The following LCOR variants were observed in gnomAD, a reference collection of about 807,000 sequenced individuals.
LCOR encodes the protein ligand-dependent corepressor.
Under a neutral mutation model 64.4 loss-of-function variants are expected in LCOR, and 14 were observed. The observed-to-expected ratio is 0.22, with a 90% CI of 0.14 to 0.34. LCOR has a LOEUF of 0.34. LCOR is among the 10% of genes least tolerant of loss of function. The probability of loss-of-function intolerance (pLI) is 1.00; values close to 1 mark genes in which losing one functional copy is unlikely to be tolerated. For synonymous variants in LCOR, 643 were observed against 642.5 expected, an observed-to-expected ratio of 1.00 and a Z score of -0.01; for missense variants, 1,686 against 1,765.3, an observed-to-expected ratio of 0.96 and a Z score of 0.80.
At chr10:96,955,491 A>G (rs1482525418) in intron 7 of LCOR, 1 of 1,614,138 alleles carries the variant, frequency 6.2e-7, no homozygotes, top group Non-Finnish European at 8.5e-7. Flanking sequence ...GCTTAGTAAA[A>G]AATTAAGGGC....
chr10:96,955,444 A>G (rs922119354), intron 7 of LCOR: 27 of 1,614,088 alleles, frequency 1.7e-5, no homozygotes, highest in Non-Finnish European at 2.3e-5. Context: ...CAGTACAGCT[A>G]TAGCTCTTTG....
At chr10:96,850,073 A>G (rs937911085) in intron 2 of LCOR, among the ~76,000 whole-genome samples, 15 of 152,204 alleles carry the variant, frequency 9.9e-5, no homozygotes, top group African/African-American at 3.6e-4. Context: ...CACTGTATAT[A>G]TGACCTGAAA....
At chr10:96,896,905 C>G (rs375912894) in intron 2 of LCOR, among the ~76,000 whole-genome samples, 3 of 151,928 alleles carry the variant, frequency 2.0e-5, no homozygotes, top group African/African-American at 7.3e-5. Flanking sequence ...AAAAGGAAGC[C>G]CCACCTTTCC....
intron 2 of LCOR, among the ~76,000 whole-genome samples, chr10:96,864,108 A>G (rs903425464): frequency 1.3e-5 from 2 of 152,208 alleles, no homozygotes; most frequent in African/African-American, 2.4e-5. Flanking sequence ...TTAAGGTCCA[A>G]TATCTTAGAA....
At position 96,995,215 on chromosome 10, in the gene LCOR, GGTCGATCTCGTA is replaced by G. The variant is rs1472306423; in HGVS notation, c.*10084_*10095del. Reference sequence around the variant, plus strand: ...TTCCTCCCAGTGTTGTCATTGCTGAGGTCGATCTCGTAGTTGTTCAGTTGTGCTCTTTTTGCT... The same window carrying G: ...TTCCTCCCAGTGTTGTCATTGCTGAGGTTGTTCAGTTGTGCTCTTTTTGCT... On this transcript the variant is annotated 3_prime_UTR_variant, in exon 8 of 8. Coordinates refer to ENST00000421806, the MANE Select transcript of LCOR (RefSeq NM_001346516.2). The surrounding 1 kb of genome is among the most constrained non-coding windows in gnomAD (Gnocchi z 4.2). 9 of 152,266 alleles carry G rather than the reference GGTCGATCTCGTA, an allele frequency of 5.9e-5. No homozygotes were observed. Among genetic ancestry groups the G allele is most frequent in the Non-Finnish European group, 1.3e-4 (9 of 68,068 alleles). 9.4% of individuals were successfully genotyped at this position (152,266 alleles called of 1,614,324 possible).
At chr10:96,896,808 G>A (rs554408413) in intron 2 of LCOR, among the ~76,000 whole-genome samples, 6 of 152,146 alleles carry the variant, frequency 3.9e-5, no homozygotes, top group South Asian at 2.1e-4. Flanking sequence ...TAAAGCTCCC[G>A]CAAGCATGCT....
intron 2 of LCOR, among the ~76,000 whole-genome samples, chr10:96,854,005 C>T (rs1014597892): frequency 1.3e-5 from 2 of 152,118 alleles, no homozygotes; most frequent in African/African-American, 4.8e-5. Flanking sequence ...TGGTCCCACC[C>T]TTGACACGTG....
chr10:96,893,785 G>C (rs371237666), intron 2 of LCOR, among the ~76,000 whole-genome samples: 1 of 149,450 alleles, frequency 6.7e-6, no homozygotes, highest in Non-Finnish European at 1.5e-5. Flanking sequence ...AAAAGAAATT[G>C]TCCAAGGTTA....
At chr10:96,969,326 G>A (rs1220483795) in intron 7 of LCOR, among the ~76,000 whole-genome samples, 3 of 152,224 alleles carry the variant, frequency 2.0e-5, no homozygotes, top group Non-Finnish European at 4.4e-5. Flanking sequence ...TTGAAACCTG[G>A]AATGCTGCTT....
At position 96,928,137 on chromosome 10, in the gene LCOR, A is replaced by G. The variant is rs182165992; in HGVS notation, c.-183-15976A>G. On this transcript the variant is annotated intron_variant, in intron 4 of 7. Coordinates refer to ENST00000421806, the MANE Select transcript of LCOR (RefSeq NM_001346516.2). ...GGCTGTGGCAATTTCTTGAAAGAAG[A>G]CAACAATGAAGTTTGCTGCATGGAT... Among the ~76,000 whole-genome samples the G allele has an allele frequency of 1.0e-3, 157 of 152,286 alleles. 1 individual carries two copies. The highest frequency in any genetic ancestry group is 3.4e-3 in the Middle Eastern group (1 of 294).
chr10:96,941,184 G>T (rs1847460322), intron 4 of LCOR, among the ~76,000 whole-genome samples: 2 of 140,476 alleles, frequency 1.4e-5, no homozygotes, highest in African/African-American at 5.5e-5. Context: ...TGGCCAGGCG[G>T]GGGGCTGACC....
intron 1 of LCOR, 93 bp from the exon 2 acceptor site, chr10:96,833,313 C>G (rs975888913): frequency 1.9e-5 from 18 of 952,042 alleles, no homozygotes; most frequent in Non-Finnish European, 2.3e-5. Context: ...CCCTGCGGGC[C>G]GGAGGGAGCG....
chr10:96,908,952 T>A (rs1247021036), intron 4 of LCOR, among the ~76,000 whole-genome samples: 1 of 151,978 alleles, frequency 6.6e-6, no homozygotes, highest in Non-Finnish European at 1.5e-5. Flanking sequence ...CCTGACCTTG[T>A]GATCCGCCCG....
At chr10:96,970,633 A>ATTTT (rs1423029989) in intron 7 of LCOR, among the ~76,000 whole-genome samples, 2 of 138,210 alleles carry the variant, frequency 1.4e-5, no homozygotes, top group African/African-American at 6.0e-5. Context: ...TATTTATTTT[A>ATTTT]TTTTATTTTA....
At chr10:96,886,202 A>G (rs1049626255) in intron 2 of LCOR, among the ~76,000 whole-genome samples, 4 of 152,166 alleles carry the variant, frequency 2.6e-5, no homozygotes, top group African/African-American at 9.7e-5. Context: ...ACATCATTCT[A>G]GTCCTTTATA....
At chr10:96,875,385 AAAT>A in intron 2 of LCOR, among the ~76,000 whole-genome samples, 1 of 151,692 alleles carries the variant, frequency 6.6e-6, no homozygotes, top group South Asian at 2.1e-4. Context: ...ATAAAAAAAA[AAAT>A]AATAATAATA....
chr10:96,881,903 A>G lies in LCOR; in HGVS notation c.-329-25362A>G, dbSNP rs540252222. On this transcript the variant is annotated intron_variant, in intron 2 of 7. Coordinates refer to ENST00000421806, the MANE Select transcript of LCOR (RefSeq NM_001346516.2). ...ACTTTTCAGTGTTTGATAATTCACT[A>G]TTTCTCTTAGTCTGTCTCTTTGGAT... 5.1e-4 allele frequency among the ~76,000 whole-genome samples: 77 copies of G among 152,230 alleles called. 1 individual carries two copies. The highest frequency in any genetic ancestry group is 1.1e-3 in the African/African-American group (45 of 41,532).
chr10:96,925,793 A>G (rs1847158171), intron 4 of LCOR, among the ~76,000 whole-genome samples: 1 of 152,156 alleles, frequency 6.6e-6, no homozygotes. Context: ...AGTATCAGTG[A>G]TAGTTTCTTG....
At chr10:96,838,609 A>C (rs1365789040) in intron 2 of LCOR, among the ~76,000 whole-genome samples, 1 of 152,168 alleles carries the variant, frequency 6.6e-6, no homozygotes, top group African/African-American at 2.4e-5. Flanking sequence ...GGCTTCTTTC[A>C]CTTAGCATAA....
Sources: allele counts gnomAD v4.1 joint callset (sites outside exome capture counted in the v4.1 genomes callset), GRCh38; gene constraint gnomAD v4.1.1; non-coding constraint Gnocchi (gnomAD v3.1); transcripts MANE v1.5; gene names NCBI Gene and HGNC (gene_info 2026-07-23, HGNC 2026-07-21).